The following PPARD variants were observed in gnomAD, a reference collection of about 807,000 sequenced individuals.
PPARD encodes peroxisome proliferator-activated receptor delta.
PPARD carries 6 observed loss-of-function variants against 39.5 expected under a neutral mutation model. The observed-to-expected ratio is 0.15, with a 90% CI of 0.08 to 0.30. The LOEUF (loss-of-function observed/expected upper bound fraction) is 0.30, where lower values mean the gene tolerates loss of function less well. Among genes scored for constraint, PPARD ranks in the 10% least tolerant of loss-of-function variants. PPARD has a pLI of 1.00. For missense variants in PPARD, 397 were observed against 596.8 expected (o/e 0.67, Z 3.49); for synonymous variants, 210 against 231.3 (o/e 0.91, Z 0.83).
intron 2 of PPARD, among the ~76,000 whole-genome samples, chr6:35,349,860 GCCT>G (rs1348234272): frequency 1.3e-5 from 2 of 151,940 alleles, no homozygotes; most frequent in Non-Finnish European, 2.9e-5. Flanking sequence ...TCCTGCCTCA[GCCT>G]CCCAAGTAGC....
chr6:35,364,523 TC>T (rs1299395083), intron 2 of PPARD, among the ~76,000 whole-genome samples: 1 of 146,408 alleles, frequency 6.8e-6, no homozygotes, highest in Non-Finnish European at 1.5e-5. Context: ...AACCTGAACC[TC>T]CCTGGTTCAA....
rs543278087 is a variant in PPARD at position 35,364,600 on chromosome 6, AT to A, written c.-102+17460del. On this transcript the variant is annotated intron_variant, in intron 2 of 7. Coordinates refer to ENST00000360694, the MANE Select transcript of PPARD (RefSeq NM_006238.5). ...AGGTGCATGCCACCACGCCTGGCTA[AT>A]TTTTTTTTTGTATTTTTAGTAGAGA... 1.0e-4 allele frequency among the ~76,000 whole-genome samples: 15 copies of A among 146,712 alleles called. No individual in the cohort carries two copies. In the South Asian group the frequency reaches 1.7e-3, roughly 17 times the overall value.
chr6:35,414,258 A>G (rs985082078), intron 3 of PPARD, among the ~76,000 whole-genome samples: 1 of 152,124 alleles, frequency 6.6e-6, no homozygotes. Context: ...TAAAATCCTT[A>G]TGTTTCATAG....
At chr6:35,375,486 G>A (rs1182098129) in intron 2 of PPARD, among the ~76,000 whole-genome samples, 7 of 152,118 alleles carry the variant, frequency 4.6e-5, no homozygotes, top group Non-Finnish European at 1.0e-4. Flanking sequence ...AAAGTGCTGG[G>A]ATTACAGGCA....
chr6:35,374,308 T>TGGGGGGGGG (rs750412240), intron 2 of PPARD, among the ~76,000 whole-genome samples: 2 of 126,108 alleles, frequency 1.6e-5, no homozygotes, highest in Admixed American at 7.5e-5. Flanking sequence ...TTCTCGGCGG[T>TGGGGGGGGG]GGGGCGGGGG....
chr6:35,373,444 G>A (rs1056199194), intron 2 of PPARD, among the ~76,000 whole-genome samples: 1 of 152,120 alleles, frequency 6.6e-6, no homozygotes, highest in African/African-American at 2.4e-5. Flanking sequence ...CAGCTGCATG[G>A]ATCAATGTAC....
chr6:35,386,911 C>T (rs1467796853), intron 2 of PPARD, among the ~76,000 whole-genome samples: 3 of 151,862 alleles, frequency 2.0e-5, no homozygotes, highest in African/African-American at 7.3e-5. Flanking sequence ...GGTCTTTGTT[C>T]CTTCTGCCCT....
intron 2 of PPARD, among the ~76,000 whole-genome samples, chr6:35,355,907 G>A (rs943613336): frequency 6.6e-6 from 1 of 151,502 alleles, no homozygotes; most frequent in Non-Finnish European, 1.5e-5. Context: ...CACGATGCCC[G>A]ACCTCTTTCT....
rs1175562251 is a variant in PPARD at position 35,424,788 on chromosome 6, G to C, written c.1078+9G>C. On this transcript the variant is annotated intron_variant, in intron 7 of 7. Transcript: ENST00000360694. The surrounding 1 kb of genome is among the most constrained non-coding windows in gnomAD (Gnocchi z 7.1). ...CATCATTCTGTGTGGAGGTGAGTGA[G>C]AGTGGGGCAGGTGGGCTGGCCTGGC... The C allele has an allele frequency of 6.2e-7, 1 of 1,611,230 alleles. No homozygotes were observed.
chr6:35,402,649 C>T (rs1764779580), intron 2 of PPARD, among the ~76,000 whole-genome samples: 1 of 152,164 alleles, frequency 6.6e-6, no homozygotes, highest in Non-Finnish European at 1.5e-5. Flanking sequence ...AAACCAGCCC[C>T]AGGCCACTCC....
At chr6:35,389,604 C>T (rs1012562711) in intron 2 of PPARD, among the ~76,000 whole-genome samples, 14 of 151,764 alleles carry the variant, frequency 9.2e-5, no homozygotes, top group South Asian at 8.3e-4. Flanking sequence ...TGAGCCACCG[C>T]GCCCAGCCTG....
chr6:35,383,956 C>G (rs1375361614), intron 2 of PPARD, among the ~76,000 whole-genome samples: 6 of 124,160 alleles, frequency 4.8e-5, no homozygotes, highest in South Asian at 2.3e-4. Context: ...TCAGCCCCCC[C>G]GCCAGGCCAG....
chr6:35,412,536 G>A lies in PPARD; in HGVS notation c.130+1319G>A, dbSNP rs1363017550. On this transcript the variant is annotated intron_variant, in intron 3 of 7. Coordinates refer to ENST00000360694, the MANE Select transcript of PPARD (RefSeq NM_006238.5). This position sits in a 1 kb window ranked among gnomAD's most constrained non-coding sequence, Gnocchi z 4.1. Reference sequence around the variant, plus strand: ...AGGCAGGGTGAAGGCTGTGGAGGTAGCGCAGGCTCCTGTTTGGGTCTGCAG... The same window carrying A: ...AGGCAGGGTGAAGGCTGTGGAGGTAACGCAGGCTCCTGTTTGGGTCTGCAG... Among the ~76,000 whole-genome samples, 3 of 152,232 alleles carry A rather than the reference G, an allele frequency of 2.0e-5. No homozygotes were observed. Among genetic ancestry groups the A allele is most frequent in the Non-Finnish European group, 2.9e-5 (2 of 68,046 alleles).
intron 2 of PPARD, among the ~76,000 whole-genome samples, chr6:35,356,047 G>T (rs1215094932): frequency 6.6e-6 from 1 of 151,976 alleles, no homozygotes; most frequent in Non-Finnish European, 1.5e-5. Flanking sequence ...TCCTGAGACC[G>T]TTACTAAGTT....
intron 2 of PPARD, among the ~76,000 whole-genome samples, chr6:35,396,449 A>C (rs1300521756): frequency 2.7e-5 from 4 of 148,206 alleles, no homozygotes; most frequent in African/African-American, 5.0e-5. Flanking sequence ...CGTGATCCAC[A>C]CACCTCGGCC....
chr6:35,372,810 G>A (rs763107766), intron 2 of PPARD, among the ~76,000 whole-genome samples: 4 of 152,134 alleles, frequency 2.6e-5, no homozygotes, highest in Non-Finnish European at 4.4e-5. Context: ...AGTGACCTTG[G>A]GAAACTTTTC....
intron 2 of PPARD, among the ~76,000 whole-genome samples, chr6:35,376,994 C>T (rs1451886842): frequency 6.9e-6 from 1 of 145,570 alleles, no homozygotes; most frequent in Non-Finnish European, 1.5e-5. Context: ...CACTGCAGCC[C>T]GGGCGACAGA....
Position 35,424,227 on chromosome 6 carries a change from A to G in PPARD, c.627+79A>G. ...CCGCCTGCCTGACTCCGGGAGAGCCAGGCCTTCTCCCTCCCTCAACTTCAT... is the reference window on the plus strand; with the variant it reads ...CCGCCTGCCTGACTCCGGGAGAGCCGGGCCTTCTCCCTCCCTCAACTTCAT... On this transcript the variant is annotated intron_variant, in intron 6 of 7. Transcript: ENST00000360694. This position sits in a 1 kb window ranked among gnomAD's most constrained non-coding sequence, Gnocchi z 7.1. 6.3e-7 allele frequency: 1 copy of G among 1,592,882 alleles called. No homozygotes were observed. The highest frequency in any genetic ancestry group is 2.2e-5 in the East Asian group (1 of 44,464).
chr6:35,405,664 C>T (rs1424194635), intron 2 of PPARD, among the ~76,000 whole-genome samples: 1 of 151,816 alleles, frequency 6.6e-6, no homozygotes, highest in African/African-American at 2.4e-5. Flanking sequence ...AGAGTCTCCT[C>T]TGTCACCCAG....
Sources: allele counts gnomAD v4.1 joint callset (sites outside exome capture counted in the v4.1 genomes callset), GRCh38; gene constraint gnomAD v4.1.1; non-coding constraint Gnocchi (gnomAD v3.1); transcripts MANE v1.5; gene names NCBI Gene and HGNC (gene_info 2026-07-23, HGNC 2026-07-21).